The following CNTNAP2 variants were observed in gnomAD, a reference collection of about 807,000 sequenced individuals.
CNTNAP2 encodes contactin-associated protein-like 2.
A neutral mutation model predicts 155.2 loss-of-function variants in CNTNAP2; 98 were observed. The ratio of observed to expected loss-of-function variants is 0.63; its 90% CI spans 0.54 to 0.75. The LOEUF is 0.75. CNTNAP2 is among the 30% of genes least tolerant of loss of function. CNTNAP2 has a pLI of 0.00. For synonymous variants in CNTNAP2, 651 were observed against 631.2 expected, an observed-to-expected ratio of 1.03 and a Z score of -0.47; for missense variants, 1,727 against 1,688.1, an observed-to-expected ratio of 1.02 and a Z score of -0.40.
chr7:146,670,402 A>G (rs1800281710), intron 1 of CNTNAP2, among the ~76,000 whole-genome samples: 1 of 152,184 alleles, frequency 6.6e-6, no homozygotes, highest in Non-Finnish European at 1.5e-5. Context: ...GAACGTAGCC[A>G]GAGATAGTCC....
chr7:147,331,154 A>G (rs991585558), intron 9 of CNTNAP2, among the ~76,000 whole-genome samples: 9 of 152,070 alleles, frequency 5.9e-5, no homozygotes, highest in African/African-American at 2.2e-4. Flanking sequence ...GAAATAAGGC[A>G]ATGGCAGTGA....
intron 13 of CNTNAP2, among the ~76,000 whole-genome samples, chr7:147,848,141 G>A (rs1362340322): frequency 1.7e-4 from 23 of 135,762 alleles, no homozygotes; most frequent in African/African-American, 5.1e-4. Context: ...GGAGCTTCCC[G>A]GCTGCTTTGT....
chr7:146,748,338 G>A (rs1801847165), intron 1 of CNTNAP2, among the ~76,000 whole-genome samples: 1 of 151,712 alleles, frequency 6.6e-6, no homozygotes, highest in Non-Finnish European at 1.5e-5. Context: ...TTAGAGACGG[G>A]GTTTCACCGT....
At chr7:147,804,661 C>T (rs978138518) in intron 13 of CNTNAP2, among the ~76,000 whole-genome samples, 1 of 152,074 alleles carries the variant, frequency 6.6e-6, no homozygotes, top group Admixed American at 6.5e-5. Context: ...TCAAGTGATT[C>T]TCCTGCCTCA....
chr7:146,478,821 G>A (rs936668823), intron 1 of CNTNAP2, among the ~76,000 whole-genome samples: 5 of 152,160 alleles, frequency 3.3e-5, no homozygotes, highest in Admixed American at 3.3e-4. Flanking sequence ...AAGTAATTTA[G>A]GAGAGTTTTC....
At chr7:147,222,854 G>A (rs1057013029) in intron 8 of CNTNAP2, among the ~76,000 whole-genome samples, 1 of 148,798 alleles carries the variant, frequency 6.7e-6, no homozygotes, top group African/African-American at 2.5e-5. Flanking sequence ...AGGTGGGACA[G>A]GATGGTTACA....
intron 13 of CNTNAP2, among the ~76,000 whole-genome samples, chr7:147,749,842 G>T (rs1797106255): frequency 6.6e-6 from 1 of 152,130 alleles, no homozygotes; most frequent in South Asian, 2.1e-4. Context: ...TAAAAGCATA[G>T]TATTTCATCT....
intron 17 of CNTNAP2, among the ~76,000 whole-genome samples, chr7:148,169,401 A>T (rs889914087): frequency 6.6e-6 from 1 of 152,278 alleles, no homozygotes; most frequent in Non-Finnish European, 1.5e-5. Context: ...AGTGCCTTTA[A>T]AATGTATATG....
chr7:147,991,858 T>C (rs1163015249), intron 15 of CNTNAP2, among the ~76,000 whole-genome samples: 1 of 152,152 alleles, frequency 6.6e-6, no homozygotes, highest in Non-Finnish European at 1.5e-5. Context: ...ATTAAAACCG[T>C]GTTCCAGTTC....
intron 9 of CNTNAP2, among the ~76,000 whole-genome samples, chr7:147,305,894 G>T (rs1795016893): frequency 6.6e-6 from 1 of 152,094 alleles, no homozygotes; most frequent in East Asian, 1.9e-4. Flanking sequence ...GCTTCTGGTG[G>T]TTACCAGTAA....
intron 4 of CNTNAP2, among the ~76,000 whole-genome samples, chr7:147,074,079 G>A (rs750016625): frequency 5.3e-5 from 8 of 152,200 alleles, no homozygotes; most frequent in South Asian, 2.1e-4. Flanking sequence ...ATTGCACTCC[G>A]TAGAATTTAT....
intron 4 of CNTNAP2, among the ~76,000 whole-genome samples, chr7:147,094,270 C>T (rs1800475374): frequency 6.6e-6 from 1 of 152,176 alleles, no homozygotes; most frequent in Non-Finnish European, 1.5e-5. Context: ...ATTCTGTTCA[C>T]GGCCACTTAG....
intron 3 of CNTNAP2, among the ~76,000 whole-genome samples, chr7:146,899,563 C>T (rs1795950388): frequency 6.6e-6 from 1 of 152,128 alleles, no homozygotes; most frequent in South Asian, 2.1e-4. Context: ...TTATTTCTAC[C>T]TAACAACTTG....
At chr7:148,337,881 G>C (rs191914510) in intron 21 of CNTNAP2, among the ~76,000 whole-genome samples, 1 of 152,272 alleles carries the variant, frequency 6.6e-6, no homozygotes. Flanking sequence ...GGGTCAGGGG[G>C]ACTTTTTAAA....
At chr7:147,361,976 A>T (rs73473166) in intron 9 of CNTNAP2, among the ~76,000 whole-genome samples, 34,872 of 152,084 alleles carry the variant, frequency 0.23, 4,371 homozygotes, top group Non-Finnish European at 0.28. Flanking sequence ...TCTGTGTTTG[A>T]CACTGAGACT....
At chr7:147,239,000 T>C (rs945544353) in intron 8 of CNTNAP2, among the ~76,000 whole-genome samples, 1 of 152,156 alleles carries the variant, frequency 6.6e-6, no homozygotes, top group Non-Finnish European at 1.5e-5. Flanking sequence ...TAATTCAATG[T>C]AGTTTAATAT....
intron 21 of CNTNAP2, among the ~76,000 whole-genome samples, chr7:148,347,438 A>G (rs2116591671): frequency 6.6e-6 from 1 of 152,296 alleles, no homozygotes; most frequent in Middle Eastern, 3.4e-3. Flanking sequence ...ATGAAACCCC[A>G]GAACAGTAAA....
intron 21 of CNTNAP2, among the ~76,000 whole-genome samples, chr7:148,325,792 T>A (rs1352682716): frequency 6.6e-6 from 1 of 152,096 alleles, no homozygotes; most frequent in African/African-American, 2.4e-5. Flanking sequence ...GCACCCCAGT[T>A]ATTTTCAGGC....
At chr7:146,969,836 A>G (rs2129232978) in intron 3 of CNTNAP2, among the ~76,000 whole-genome samples, 1 of 152,312 alleles carries the variant, frequency 6.6e-6, no homozygotes, top group Admixed American at 6.5e-5. Context: ...TAATCAAAAC[A>G]GCATGGTACT....
Sources: allele counts gnomAD v4.1 joint callset (sites outside exome capture counted in the v4.1 genomes callset), GRCh38; gene constraint gnomAD v4.1.1; transcripts MANE v1.5; gene names NCBI Gene and HGNC (gene_info 2026-07-23, HGNC 2026-07-21).